The following LSG1 variants were observed in gnomAD, a reference collection of about 807,000 sequenced individuals.
LSG1 encodes the protein large 60S subunit nuclear export GTPase 1, also known as large subunit GTPase 1 homolog.
In LSG1, 55 loss-of-function variants were observed where a neutral mutation model predicts 82.6. That is an observed-to-expected ratio of 0.67 (90% CI 0.54 to 0.83). The LOEUF is 0.83. Ranked by LOEUF, LSG1 falls within the 40% of genes least tolerant of loss-of-function variation. The pLI is 0.00. For missense variants in LSG1, 809 were observed against 807.9 expected (o/e 1.00, Z -0.02); for synonymous variants, 272 against 282.5 (o/e 0.96, Z 0.37).
In LSG1 at chr3:194,641,934, G is replaced by T; in HGVS notation, c.*134C>A. The stretch of plus-strand genomic sequence containing the variant: ...CCTTGGTCTTGACATGGAGACTGTT[G>T]GGTGCAGCCGTGCTCTGCAAGAGCA... On this transcript the variant is annotated 3_prime_UTR_variant, in exon 14 of 14. Transcript: ENST00000265245. The T allele has an allele frequency of 2.2e-6, 2 of 896,914 alleles. No homozygotes were observed. Among genetic ancestry groups the T allele is most frequent in the Non-Finnish European group, 3.4e-6 (2 of 593,264 alleles). The allele number at this position is 896,914 out of a possible 1,614,324, so 55.6% of individuals were successfully genotyped here. A position where few individuals can be genotyped will look rare whatever the true frequency, so the allele number is the denominator to read the frequency against.
chr3:194,641,761 G>A lies in LSG1; in HGVS notation c.*307C>T, dbSNP rs568652299. On this transcript the variant is annotated 3_prime_UTR_variant, in exon 14 of 14. Coordinates refer to ENST00000265245, the MANE Select transcript of LSG1 (RefSeq NM_018385.3). ...CCCGAGTAGCTGGGATTACAGGTGC[G>A]CGCCACCACGCCTGGCTAATTTTTT... 460 of 195,100 alleles carry A rather than the reference G, an allele frequency of 2.4e-3. 1 individual carries two copies. Among genetic ancestry groups the A allele is most frequent in the African/African-American group, 8.4e-3 (359 of 42,942 alleles). The allele number at this position is 195,100 out of a possible 1,614,324, so 12.1% of individuals were successfully genotyped here. A position where few individuals can be genotyped will look rare whatever the true frequency, so the allele number is the denominator to read the frequency against.
chr3:194,651,375 T>A, intron 8 of LSG1, 159 bp from the exon 9 acceptor site: 2 of 617,560 alleles, frequency 3.2e-6, no homozygotes, highest in Non-Finnish European at 5.8e-6. Context: ...TTTTTTCTCC[T>A]GTGGTGTGGG....
In LSG1 at chr3:194,644,674, G is replaced by C; in HGVS notation, c.1696C>G (p.Leu566Val). ...TCATCACTGTTCATTTTGTTCTCTA[G>C]GAGTCGCTGGTGTTGATGCTGAAAA... ...VTFQHQHQRL[L>V]ENKMNSDEIK... Residue 566 changes from leucine to valine, a missense_variant, in exon 13 of 14, where the codon CTA becomes GTA. By Grantham distance (32) the Leu-to-Val change is conservative. Transcript: ENST00000265245. The C allele has an allele frequency of 6.2e-7, 1 of 1,610,898 alleles. No individual in the cohort carries two copies. Among genetic ancestry groups the C allele is most frequent in the Non-Finnish European group, 8.5e-7 (1 of 1,178,258 alleles).
Position 194,659,147 on chromosome 3 carries a change from A to C in LSG1, c.583-14T>G. The C allele has an allele frequency of 6.2e-7, 1 of 1,601,890 alleles. No homozygotes were observed. The highest frequency in any genetic ancestry group is 8.5e-7 in the Non-Finnish European group (1 of 1,172,184). ...CACATAACATTCCTAAGCAAGACAA[A>C]GAGATTTAGAAAGACCTCTTCAAAC... is the stretch of plus-strand genomic sequence containing the variant. On this transcript the variant is annotated splice_polypyrimidine_tract_variant and intron_variant, in intron 6 of 13. Transcript: ENST00000265245.
intron 6 of LSG1, 29 bp from the exon 7 acceptor site, chr3:194,659,162 C>T (rs1486576849): frequency 7.1e-6 from 11 of 1,539,242 alleles, no homozygotes; most frequent in Non-Finnish European, 9.7e-6. Context: ...TTTAGAAAGA[C>T]CTCTTCAAAC....
rs1223128781 is a variant in LSG1 at position 194,651,170 on chromosome 3, A to G, written c.1220T>C (p.Met407Thr). The G allele has an allele frequency of 1.2e-6, 2 of 1,614,108 alleles. No homozygotes were observed. Among genetic ancestry groups the G allele is most frequent in the East Asian group, 4.5e-5 (2 of 44,894 alleles). ...VGKSSTINTI[M>T]GNKKVSVSAT... is the part of the protein sequence containing the mutation. ...AGACACAGATACTTTCTTGTTGCCC[A>G]TGATGGTGTTGATTGTTGAACTCTT... Residue 407 changes from methionine (M) to threonine (T), a missense_variant, in exon 9 of 14, where the codon ATG becomes ACG. Transcript: ENST00000265245.
chr3:194,666,458 G>A lies in LSG1; in HGVS notation c.341C>T (p.Pro114Leu), dbSNP rs368683979. 5.1e-5 allele frequency: 83 copies of A among 1,613,476 alleles called. 1 individual carries two copies. The highest frequency in any genetic ancestry group is 3.1e-4 in the African/African-American group (23 of 74,972). Residue 114 changes from proline to leucine, a missense_variant, in exon 3 of 14, where the codon CCG becomes CTG. Coordinates refer to ENST00000265245, the MANE Select transcript of LSG1 (RefSeq NM_018385.3). ...HEENKQFLCI[P>L]RRPNWNQNTT... Reference sequence around the variant, plus strand: ...AAATTCTTCTTCAGCTCACCTCCTCGGTATACACAAGAACTGTTTGTTTTC... The same window carrying A: ...AAATTCTTCTTCAGCTCACCTCCTCAGTATACACAAGAACTGTTTGTTTTC...
rs1560228869 is a variant in LSG1, at chr3:194,665,585, GCCAAAAGT to G, written c.485_492del (p.Asp162AlafsTer8). 1 of 1,613,078 alleles carries G rather than the reference GCCAAAAGT, an allele frequency of 6.2e-7. No individual in the cohort carries two copies. Among genetic ancestry groups the G allele is most frequent in the South Asian group, 1.1e-5 (1 of 90,850 alleles). ...CTCTCAATGACTCTCCAGAGCTGGC[GCCAAAAGT>G]CCAAATTTCGTTCAAATGGAGTCAA... On this transcript the variant is annotated frameshift_variant, in exon 5 of 14. Coordinates refer to ENST00000265245, the MANE Select transcript of LSG1 (RefSeq NM_018385.3). LOFTEE classifies it high-confidence loss of function.
At chr3:194,649,624 A>G (rs1342333501) in intron 10 of LSG1, among the ~76,000 whole-genome samples, 1 of 151,650 alleles carries the variant, frequency 6.6e-6, no homozygotes, top group East Asian at 1.9e-4. Flanking sequence ...CAGGAGGTGG[A>G]GGTTGCAGTG....
intron 2 of LSG1, 74 bp downstream of exon 2, chr3:194,669,935 C>CA: frequency 3.2e-6 from 5 of 1,546,366 alleles, no homozygotes; most frequent in African/African-American, 1.4e-5. Context: ...CATCTCAAAA[C>CA]AAAAAACAAA....
chr3:194,642,386 G>A, intron 13 of LSG1, 139 bp from the exon 14 acceptor site: 2 of 577,350 alleles, frequency 3.5e-6, no homozygotes, highest in Non-Finnish European at 5.7e-6. Flanking sequence ...CCCTTCACTG[G>A]TCCTCTTTCT....
At chr3:194,655,942 A>T (rs1475191677) in intron 7 of LSG1, among the ~76,000 whole-genome samples, 1 of 152,218 alleles carries the variant, frequency 6.6e-6, no homozygotes, top group Non-Finnish European at 1.5e-5. Context: ...AAAACTGGCT[A>T]GCCATATGTA....
chr3:194,644,470 C>T (rs1018422557), intron 13 of LSG1, 103 bp downstream of exon 13: 2 of 568,242 alleles, frequency 3.5e-6, no homozygotes, highest in Non-Finnish European at 5.5e-6. Flanking sequence ...ATTATTAAAC[C>T]CTTTTTGGGG....
chr3:194,655,215 G>A (rs1246627690), intron 7 of LSG1, among the ~76,000 whole-genome samples: 1 of 152,140 alleles, frequency 6.6e-6, no homozygotes, highest in Non-Finnish European at 1.5e-5. Flanking sequence ...AGGTGACCTG[G>A]TGAGCCCTAA....
intron 2 of LSG1, among the ~76,000 whole-genome samples, chr3:194,668,009 C>A (rs1719069015): frequency 6.9e-6 from 1 of 144,068 alleles, no homozygotes; most frequent in South Asian, 2.2e-4. Flanking sequence ...ACAATCCACC[C>A]ACTAAAGCAT....
intron 2 of LSG1, among the ~76,000 whole-genome samples, chr3:194,669,662 G>A (rs577427441): frequency 2.6e-5 from 4 of 152,272 alleles, no homozygotes; most frequent in East Asian, 1.9e-4. Flanking sequence ...GGGCGGGCAC[G>A]GTGGCTCACA....
chr3:194,641,330 T>C lies in LSG1; in HGVS notation c.*738A>G, dbSNP rs1158762864. 6.6e-6 allele frequency: 1 copy of C among 152,296 alleles called. No homozygotes were observed. The highest frequency in any genetic ancestry group is 1.9e-4 in the East Asian group (1 of 5,178). 9.4% of individuals were successfully genotyped at this position (152,296 alleles called of 1,614,324 possible). A position where few individuals can be genotyped will look rare whatever the true frequency, so the allele number is the denominator to read the frequency against. On this transcript the variant is annotated 3_prime_UTR_variant, in exon 14 of 14. Coordinates refer to ENST00000265245, the MANE Select transcript of LSG1 (RefSeq NM_018385.3). ...GACCTCAATCTTCCCATTCCTCCCA[T>C]CCCGAAGCAACCACTAATCTACTTC...
At chr3:194,644,543 CAGA>C (rs916907985) in intron 13 of LSG1, 27 bp downstream of exon 13, 1 of 1,566,902 alleles carries the variant, frequency 6.4e-7, no homozygotes, top group African/African-American at 1.4e-5. Flanking sequence ...AGTGTTGGAT[CAGA>C]AGTTTAAGAA....
chr3:194,647,214 T>C (rs1017712291), intron 11 of LSG1, among the ~76,000 whole-genome samples: 1 of 152,230 alleles, frequency 6.6e-6, no homozygotes, highest in African/African-American at 2.4e-5. Context: ...GGAGAAGACC[T>C]TCCCAAGTAA....
Sources: allele counts gnomAD v4.1 joint callset (sites outside exome capture counted in the v4.1 genomes callset), GRCh38; gene constraint gnomAD v4.1.1; transcripts MANE v1.5; gene names NCBI Gene and HGNC (gene_info 2026-07-23, HGNC 2026-07-21).